The following TSPAN14 variants were observed in gnomAD, a reference collection of about 807,000 sequenced individuals.
TSPAN14 encodes tetraspanin-14.
In TSPAN14, 16 loss-of-function variants were observed where a neutral mutation model predicts 36.6. The observed-to-expected ratio is 0.44, with a 90% CI of 0.30 to 0.66. The LOEUF is 0.66. Ranked by LOEUF, TSPAN14 falls within the 30% of genes least tolerant of loss-of-function variation. TSPAN14 has a pLI of 0.12. For missense variants in TSPAN14, 231 were observed against 355.1 expected, an observed-to-expected ratio of 0.65 and a Z score of 2.81; for synonymous variants, 139 against 143.8, an observed-to-expected ratio of 0.97 and a Z score of 0.24.
intron 1 of TSPAN14, among the ~76,000 whole-genome samples, chr10:80,484,381 G>A (rs2132002078): frequency 6.6e-6 from 1 of 151,936 alleles, no homozygotes; most frequent in South Asian, 2.1e-4. Context: ...CTGGAGTGCA[G>A]TGGTGTCATC....
intron 2 of TSPAN14, among the ~76,000 whole-genome samples, chr10:80,501,935 C>T (rs953738904): frequency 1.2e-4 from 19 of 152,206 alleles, no homozygotes; most frequent in African/African-American, 4.6e-4. Context: ...AAACAGGTAA[C>T]ATCTCTGGCC....
intron 1 of TSPAN14, among the ~76,000 whole-genome samples, chr10:80,472,365 C>G (rs1292636037): frequency 6.6e-6 from 1 of 152,194 alleles, no homozygotes; most frequent in Non-Finnish European, 1.5e-5. Flanking sequence ...CTAGGTGCAT[C>G]CCCTTGGGAG....
At chr10:80,483,587 A>C (rs1239536487) in intron 1 of TSPAN14, among the ~76,000 whole-genome samples, 2 of 152,136 alleles carry the variant, frequency 1.3e-5, no homozygotes, top group East Asian at 3.9e-4. Flanking sequence ...GTTTGCCACA[A>C]TAGTGGTGGC....
intron 2 of TSPAN14, among the ~76,000 whole-genome samples, chr10:80,503,154 A>T (rs1589288511): frequency 6.6e-6 from 1 of 152,178 alleles, no homozygotes; most frequent in East Asian, 1.9e-4. Context: ...GCAGGTGGTG[A>T]CCAGTCACCT....
intron 8 of TSPAN14, among the ~76,000 whole-genome samples, chr10:80,517,151 G>A (rs900426978): frequency 6.6e-6 from 1 of 152,170 alleles, no homozygotes; most frequent in Non-Finnish European, 1.5e-5. Context: ...CTTGAAGAGG[G>A]TGACTGAGGT....
At chr10:80,490,688 G>A (rs547493777) in intron 2 of TSPAN14, among the ~76,000 whole-genome samples, 105 of 152,266 alleles carry the variant, frequency 6.9e-4, no homozygotes, top group African/African-American at 2.4e-3. Flanking sequence ...AAGTAAAGAA[G>A]TGAAGGGGAT....
intron 1 of TSPAN14, among the ~76,000 whole-genome samples, chr10:80,484,745 T>C (rs764395343): frequency 6.6e-6 from 1 of 152,222 alleles, no homozygotes; most frequent in African/African-American, 2.4e-5. Context: ...TGGGGATTTT[T>C]TAGATTTGTT....
At chr10:80,476,703 G>GT (rs548647340) in intron 1 of TSPAN14, among the ~76,000 whole-genome samples, 164 of 151,862 alleles carry the variant, frequency 1.1e-3, no homozygotes, top group African/African-American at 3.7e-3. Flanking sequence ...GAGTTTTACT[G>GT]TATTTTTTAC....
intron 1 of TSPAN14, among the ~76,000 whole-genome samples, chr10:80,484,211 CCAGCT>C (rs1346460468): frequency 2.0e-5 from 3 of 151,510 alleles, no homozygotes; most frequent in Admixed American, 6.6e-5. Flanking sequence ...CCACTGCACT[CCAGCT>C]TGGGCAACAG....
intron 1 of TSPAN14, among the ~76,000 whole-genome samples, chr10:80,485,385 A>G (rs1218765357): frequency 6.6e-6 from 1 of 152,154 alleles, no homozygotes; most frequent in African/African-American, 2.4e-5. Context: ...TACTGCCTTT[A>G]TCAGCCTTCC....
chr10:80,511,711 C>CCTAT (rs1491297318), intron 5 of TSPAN14, among the ~76,000 whole-genome samples: 1 of 25,754 alleles, frequency 3.9e-5, no homozygotes, highest in African/African-American at 1.5e-4. Context: ...AAGGGCAGGT[C>CCTAT]CTCTCTCTCT....
At chr10:80,454,768 T>C (rs1165639419) in intron 1 of TSPAN14, among the ~76,000 whole-genome samples, 1 of 151,922 alleles carries the variant, frequency 6.6e-6, no homozygotes, top group Non-Finnish European at 1.5e-5. Flanking sequence ...CTGCTTCTCG[T>C]CCCCAGCAGC....
At chr10:80,474,715 C>T (rs1846757477) in intron 1 of TSPAN14, among the ~76,000 whole-genome samples, 1 of 152,034 alleles carries the variant, frequency 6.6e-6, no homozygotes. Flanking sequence ...TCTCAGGAAG[C>T]CTGGGGAGCT....
intron 3 of TSPAN14, among the ~76,000 whole-genome samples, chr10:80,505,814 A>AC (rs1475407234): frequency 6.6e-6 from 1 of 152,216 alleles, no homozygotes; most frequent in Non-Finnish European, 1.5e-5. Flanking sequence ...GCTGGCTACT[A>AC]CAATTCCTTT....
intron 7 of TSPAN14, 154 bp from the exon 8 acceptor site, chr10:80,516,050 C>T: frequency 2.7e-6 from 3 of 1,111,710 alleles, no homozygotes; most frequent in Non-Finnish European, 3.8e-6. Context: ...CTGAGAGGAG[C>T]TGACGAGCAT....
intron 1 of TSPAN14, among the ~76,000 whole-genome samples, chr10:80,487,309 G>T (rs1372053050): frequency 1.3e-5 from 2 of 150,998 alleles, no homozygotes; most frequent in African/African-American, 4.9e-5. Flanking sequence ...TGGCATGTCA[G>T]TATCACCGTG....
At chr10:80,492,926 C>T (rs1056689209) in intron 2 of TSPAN14, among the ~76,000 whole-genome samples, 2 of 152,000 alleles carry the variant, frequency 1.3e-5, no homozygotes, top group Admixed American at 6.5e-5. Context: ...AAGGTTTTCC[C>T]GGGATTGTTA....
At chr10:80,477,544 G>T (rs905949120) in intron 1 of TSPAN14, among the ~76,000 whole-genome samples, 6 of 152,168 alleles carry the variant, frequency 3.9e-5, no homozygotes, top group African/African-American at 1.4e-4. Flanking sequence ...GTACATGAAT[G>T]ATTCAATTTA....
chr10:80,511,265 G>A (rs1232807456), intron 5 of TSPAN14, among the ~76,000 whole-genome samples: 1 of 152,176 alleles, frequency 6.6e-6, no homozygotes, highest in African/African-American at 2.4e-5. Flanking sequence ...CCAGGTGTGG[G>A]GCAGAGCTTT....
Sources: gnomAD v4.1 joint callset for allele counts (sites outside exome capture counted in the v4.1 genomes callset) on GRCh38, gnomAD v4.1.1 for gene constraint, MANE v1.5 for transcripts, NCBI Gene and HGNC (gene_info 2026-07-23, HGNC 2026-07-21) for gene names.